Variants in SYNJ2 observed in about 807,000 individuals in gnomAD.
The protein encoded by SYNJ2 is synaptojanin 2.
SYNJ2 carries 116 observed loss-of-function variants against 141.3 expected under a neutral mutation model. That is an observed-to-expected ratio of 0.82 (90% CI 0.71 to 0.96). The LOEUF (loss-of-function observed/expected upper bound fraction) is 0.96. SYNJ2 is among the 40% of genes least tolerant of loss of function. The pLI is 0.00. For missense variants in SYNJ2, 1,873 were observed against 1,934.8 expected (o/e 0.97, Z 0.60); for synonymous variants, 745 against 777.7 (o/e 0.96, Z 0.70).
chr6:158,045,719 C>A (rs1207313400), intron 5 of SYNJ2, among the ~76,000 whole-genome samples: 1 of 152,242 alleles, frequency 6.6e-6, no homozygotes, highest in Non-Finnish European at 1.5e-5. Flanking sequence ...TAAAAAATGA[C>A]ACTCCTTTTT....
At chr6:158,015,220 C>T (rs571865507) in intron 1 of SYNJ2, among the ~76,000 whole-genome samples, 43 of 152,358 alleles carry the variant, frequency 2.8e-4, no homozygotes, top group African/African-American at 9.9e-4. Flanking sequence ...CTGTCATTTT[C>T]TCCTTTCTAA....
At chr6:158,025,675 G>A (rs1306533311) in intron 2 of SYNJ2, among the ~76,000 whole-genome samples, 1 of 139,204 alleles carries the variant, frequency 7.2e-6, no homozygotes, top group Non-Finnish European at 1.5e-5. Flanking sequence ...AAAAATAGCC[G>A]GGCGTGGTGG....
At chr6:158,075,770 A>G (rs976816612) in intron 16 of SYNJ2, among the ~76,000 whole-genome samples, 1 of 152,154 alleles carries the variant, frequency 6.6e-6, no homozygotes, top group Non-Finnish European at 1.5e-5. Flanking sequence ...GGGTTGCCAC[A>G]TGGACGAGTG....
chr6:158,096,557 C>G lies in SYNJ2; in HGVS notation c.*193C>G, dbSNP rs964581440. 3 of 559,738 alleles carry G rather than the reference C, an allele frequency of 5.4e-6. No individual in the cohort carries two copies. The highest frequency in any genetic ancestry group is 8.9e-6 in the Non-Finnish European group (3 of 335,472). The allele number at this position is 559,738 out of a possible 1,614,324, so 34.7% of individuals were successfully genotyped here. On this transcript the variant is annotated 3_prime_UTR_variant, in exon 27 of 27. Coordinates refer to ENST00000355585, the MANE Select transcript of SYNJ2 (RefSeq NM_003898.4). ...TACTCAGCCACCAAAATATATTTCA[C>G]TCAAGGCTTGTACATCTGAAGTTTG...
At chr6:158,039,178 T>G (rs764864621) in intron 4 of SYNJ2, among the ~76,000 whole-genome samples, 1 of 152,256 alleles carries the variant, frequency 6.6e-6, no homozygotes, top group Non-Finnish European at 1.5e-5. Context: ...TATTTTTGTT[T>G]ATGTCACTTT....
chr6:158,085,670 T>C (rs1782986462), intron 22 of SYNJ2, among the ~76,000 whole-genome samples: 1 of 152,214 alleles, frequency 6.6e-6, no homozygotes. Context: ...TACCGAACCA[T>C]CAGGAGCTTT....
intron 7 of SYNJ2, among the ~76,000 whole-genome samples, chr6:158,060,346 G>A (rs1015389566): frequency 6.6e-6 from 1 of 152,108 alleles, no homozygotes; most frequent in Non-Finnish European, 1.5e-5. Flanking sequence ...TCCAGCCCCC[G>A]CCCCCTGCTC....
At chr6:158,006,185 G>A (rs903277565) in intron 1 of SYNJ2, among the ~76,000 whole-genome samples, 2 of 151,986 alleles carry the variant, frequency 1.3e-5, no homozygotes, top group South Asian at 2.1e-4. Context: ...CTTGCCACAC[G>A]CACACATGCA....
chr6:158,033,345 C>T (rs2295891), intron 3 of SYNJ2, 110 bp from the exon 4 acceptor site: 48,411 of 1,204,980 alleles, frequency 0.04, 2,205 homozygotes, highest in South Asian at 0.18. Flanking sequence ...TTCGCTGACC[C>T]GAAATGCTGC....
At chr6:158,072,354 G>A (rs537440058) in intron 15 of SYNJ2, among the ~76,000 whole-genome samples, 1 of 152,346 alleles carries the variant, frequency 6.6e-6, no homozygotes, top group Admixed American at 6.5e-5. Flanking sequence ...CGGTCCGGAG[G>A]GTTTCATTCT....
Position 158,043,357 on chromosome 6 carries a change from C to A in SYNJ2, c.753C>A (p.Ile251=), listed in dbSNP as rs750717179. The A allele has an allele frequency of 1.9e-6, 3 of 1,614,154 alleles. No homozygotes were observed. The highest frequency in any genetic ancestry group is 2.2e-5 in the East Asian group (1 of 44,882). ...ATGGAGTGTCATCTTTTGTCCAGAT[C>A]AGAGGCTCCGTTCCGCTGTTCTGGG... is the stretch of plus-strand genomic sequence containing the variant. ...MDDGVSSFVQ[I]RGSVPLFWEQ... The change falls in exon 5 of 27, where the codon ATC becomes ATA. Residue 251 remains isoleucine, a synonymous_variant. Transcript: ENST00000355585. This position sits in a 1 kb window ranked among gnomAD's most constrained non-coding sequence, Gnocchi z 4.0.
chr6:158,005,920 A>G (rs1778052714), intron 1 of SYNJ2, among the ~76,000 whole-genome samples: 1 of 151,934 alleles, frequency 6.6e-6, no homozygotes, highest in African/African-American at 2.4e-5. Context: ...TGCACTGTCT[A>G]CGTTTCAGGC....
At chr6:157,983,113 C>T (rs1777074373) in intron 1 of SYNJ2, among the ~76,000 whole-genome samples, 1 of 152,218 alleles carries the variant, frequency 6.6e-6, no homozygotes, top group Non-Finnish European at 1.5e-5. Context: ...TCGGCAAATG[C>T]AGCAGGCTGC....
chr6:158,029,519 G>C (rs1779253093), intron 3 of SYNJ2: 2 of 154,626 alleles, frequency 1.3e-5, no homozygotes, highest in South Asian at 4.0e-4. Context: ...GAGCCAAGAT[G>C]GTGCTACTAC....
intron 1 of SYNJ2, among the ~76,000 whole-genome samples, chr6:157,994,036 C>T (rs13219245): frequency 3.6e-4 from 54 of 151,768 alleles, no homozygotes; most frequent in African/African-American, 9.2e-4. Context: ...AGGATGGTCT[C>T]GATCTCCTGA....
chr6:158,012,307 G>A (rs1208322903), intron 1 of SYNJ2, among the ~76,000 whole-genome samples: 3 of 152,248 alleles, frequency 2.0e-5, no homozygotes, highest in African/African-American at 7.2e-5. Context: ...CTTTGCAGAT[G>A]TGATCAGGAC....
At chr6:157,987,740 C>T (rs1777259674) in intron 1 of SYNJ2, among the ~76,000 whole-genome samples, 1 of 152,220 alleles carries the variant, frequency 6.6e-6, no homozygotes, top group Non-Finnish European at 1.5e-5. Context: ...AATTTACTCT[C>T]CTAGTGATTT....
chr6:158,043,297 C>A lies in SYNJ2; in HGVS notation c.712-19C>A, dbSNP rs745894402. On this transcript the variant is annotated intron_variant, in intron 4 of 26. Coordinates refer to ENST00000355585, the MANE Select transcript of SYNJ2 (RefSeq NM_003898.4). This position sits in a 1 kb window ranked among gnomAD's most constrained non-coding sequence, Gnocchi z 4.0. ...TTCATTGAAGAATACCTTTCCCTTT[C>A]TGTTTCCTTGTGCCGCAGATGATTT... is the stretch of plus-strand genomic sequence containing the variant. The A allele has an allele frequency of 1.4e-5, 22 of 1,611,302 alleles. No individual in the cohort carries two copies. Among genetic ancestry groups the A allele is most frequent in the Non-Finnish European group, 1.9e-5 (22 of 1,177,660 alleles).
intron 1 of SYNJ2, among the ~76,000 whole-genome samples, chr6:158,014,732 C>A (rs1778385014): frequency 6.6e-6 from 1 of 152,228 alleles, no homozygotes; most frequent in Non-Finnish European, 1.5e-5. Context: ...GGTAGCAGGT[C>A]ATGTTGTGAG....
Sources: allele counts gnomAD v4.1 joint callset (sites outside exome capture counted in the v4.1 genomes callset), GRCh38; gene constraint gnomAD v4.1.1; non-coding constraint Gnocchi (gnomAD v3.1); transcripts MANE v1.5; gene names NCBI Gene and HGNC (gene_info 2026-07-23, HGNC 2026-07-21).